Variants in XPO6 observed in about 807,000 individuals in gnomAD.
XPO6 encodes exportin-6.
A neutral mutation model predicts 130.0 loss-of-function variants in XPO6; 3 were observed. That is an observed-to-expected ratio of 0.02 (90% CI 0.01 to 0.06). The LOEUF is 0.06. XPO6 is among the 10% of genes least tolerant of loss of function. The pLI is 1.00. For missense variants in XPO6, 970 were observed against 1,393.0 expected (o/e 0.70, Z 4.83); for synonymous variants, 524 against 548.9 (o/e 0.95, Z 0.63).
chr16:28,189,663 C>T (rs1011995149), intron 1 of XPO6, among the ~76,000 whole-genome samples: 27 of 152,168 alleles, frequency 1.8e-4, no homozygotes, highest in Non-Finnish European at 3.4e-4. Context: ...TGGGCAGGCG[C>T]GCCCACCCCT....
At chr16:28,131,969 C>T (rs2042679488) in intron 12 of XPO6, among the ~76,000 whole-genome samples, 1 of 152,198 alleles carries the variant, frequency 6.6e-6, no homozygotes, top group Non-Finnish European at 1.5e-5. Flanking sequence ...CTATGGCCTT[C>T]CAATTCTAAA....
chr16:28,134,018 T>C, intron 10 of XPO6, 85 bp from the exon 11 acceptor site: 1 of 1,381,228 alleles, frequency 7.2e-7, no homozygotes, highest in Non-Finnish European at 1.0e-6. Flanking sequence ...AGACATAAAA[T>C]TTTGAAGAAA....
intron 18 of XPO6, 87 bp downstream of exon 18, chr16:28,107,435 C>A: frequency 6.7e-7 from 1 of 1,492,008 alleles, no homozygotes; most frequent in Non-Finnish European, 9.2e-7. Context: ...CTGTACTGCA[C>A]CGACTCAGTG....
chr16:28,144,582 T>C (rs2042951106), intron 9 of XPO6, among the ~76,000 whole-genome samples: 1 of 152,176 alleles, frequency 6.6e-6, no homozygotes, highest in Non-Finnish European at 1.5e-5. Flanking sequence ...AGGTCCTGTT[T>C]AGAATTTTTT....
chr16:28,150,093 C>A (rs1011881996), intron 8 of XPO6, among the ~76,000 whole-genome samples: 1 of 152,310 alleles, frequency 6.6e-6, no homozygotes, highest in East Asian at 1.9e-4. Context: ...CCCTGGTTTA[C>A]CCACAGTAAG....
At chr16:28,143,125 G>A (rs1456163272) in intron 9 of XPO6, among the ~76,000 whole-genome samples, 1 of 152,226 alleles carries the variant, frequency 6.6e-6, no homozygotes, top group South Asian at 2.1e-4. Flanking sequence ...CATGATCAAT[G>A]AGAAAAATTC....
At chr16:28,178,353 G>C (rs1353839525) in intron 2 of XPO6, among the ~76,000 whole-genome samples, 1 of 152,064 alleles carries the variant, frequency 6.6e-6, no homozygotes, top group African/African-American at 2.4e-5. Context: ...AGGACTGCTT[G>C]AGGCCAGGAG....
chr16:28,177,096 G>T (rs1237383570), intron 3 of XPO6, 124 bp downstream of exon 3: 4 of 500,966 alleles, frequency 8.0e-6, no homozygotes, highest in Non-Finnish European at 1.4e-5. Flanking sequence ...GACAGTATGT[G>T]GGACGACATC....
chr16:28,164,130 GA>G (rs535583162), intron 6 of XPO6, among the ~76,000 whole-genome samples: 12 of 152,124 alleles, frequency 7.9e-5, no homozygotes, highest in Non-Finnish European at 1.2e-4. Context: ...AGTATATGGG[GA>G]AAAAAACCCC....
At chr16:28,139,186 A>G (rs1177306795) in intron 9 of XPO6, among the ~76,000 whole-genome samples, 1 of 152,236 alleles carries the variant, frequency 6.6e-6, no homozygotes, top group South Asian at 2.1e-4. Context: ...TGCCCTTATG[A>G]GAAGATGAAG....
rs778942589 is a variant in XPO6 at position 28,125,738 on chromosome 16, C to G, written c.1717G>C (p.Gly573Arg). 1 of 1,614,202 alleles carries G rather than the reference C, an allele frequency of 6.2e-7. No individual in the cohort carries two copies. Among genetic ancestry groups the G allele is most frequent in the Non-Finnish European group, 8.5e-7 (1 of 1,180,050 alleles). Reference protein sequence around the residue: ...AVGRLAEYFIGDVFAARFNDA... With the variant: ...AVGRLAEYFIRDVFAARFNDA... ...TTGAACCGTGCAGCAAACACATCCCCGATAAAGTACTCGGCCAGGCGGCCC... is the reference window on the plus strand; with the variant it reads ...TTGAACCGTGCAGCAAACACATCCCGGATAAAGTACTCGGCCAGGCGGCCC... Residue 573 changes from glycine to arginine, a missense_variant, in exon 13 of 24, where the codon GGG becomes CGG. Gly to Arg is a moderately radical substitution (Grantham distance 125). Coordinates refer to ENST00000304658, the MANE Select transcript of XPO6 (RefSeq NM_015171.4).
At chr16:28,170,056 G>T in intron 4 of XPO6, 147 bp from the exon 5 acceptor site, 1 of 1,085,820 alleles carries the variant, frequency 9.2e-7, no homozygotes, top group South Asian at 1.6e-5. Flanking sequence ...TTAGAGGCCA[G>T]CTCCAATGGC....
intron 12 of XPO6, among the ~76,000 whole-genome samples, chr16:28,127,252 C>T (rs2087443449): frequency 6.6e-6 from 1 of 152,162 alleles, no homozygotes; most frequent in Non-Finnish European, 1.5e-5. Flanking sequence ...TCATCCTCTG[C>T]CCACCCAAGC....
rs1767573019 is a variant in XPO6 at position 28,104,650 on chromosome 16, G to A, written c.2842C>T (p.His948Tyr). The A allele has an allele frequency of 1.2e-6, 2 of 1,614,104 alleles. No individual in the cohort carries two copies. The highest frequency in any genetic ancestry group is 1.1e-5 in the South Asian group (1 of 91,092). The change falls in exon 21 of 24, where the codon CAC becomes TAC. Residue 948 changes from histidine to tyrosine, a missense_variant. By Grantham distance (83) the His-to-Tyr change is moderately conservative. Transcript: ENST00000304658. ...GACTTGAAGAAGTACCTCCAGTTGT[G>A]ATGGAGCGTCCGGAAAAGGAGCTCA... ...LFELLFRTLH[H>Y]NWRYFFKSTV...
chr16:28,165,648 A>T (rs1483230224), intron 6 of XPO6, among the ~76,000 whole-genome samples: 1 of 152,224 alleles, frequency 6.6e-6, no homozygotes, highest in Non-Finnish European at 1.5e-5. Context: ...CAGGCTACAT[A>T]AAACAGCTTG....
In XPO6 at chr16:28,116,700, C is replaced by T. The variant is rs767170312; in HGVS notation, c.2004+618G>A. ...CCTCCAATCAGTGGAGCAGTCAGAA[C>T]ACACACATTTATCAATCAAGTTTGC... On this transcript the variant is annotated intron_variant, in intron 15 of 23. Coordinates refer to ENST00000304658, the MANE Select transcript of XPO6 (RefSeq NM_015171.4). 7.9e-5 allele frequency among the ~76,000 whole-genome samples: 12 copies of T among 152,184 alleles called. No individual in the cohort carries two copies. In the South Asian group the frequency reaches 8.3e-4, roughly 11 times the overall value.
At chr16:28,099,314 C>G (rs1253200080) in intron 23 of XPO6, among the ~76,000 whole-genome samples, 1 of 152,042 alleles carries the variant, frequency 6.6e-6, no homozygotes. Flanking sequence ...GTGTAGGTCC[C>G]GGTGAGGACT....
chr16:28,156,245 C>T lies in XPO6; in HGVS notation c.926G>A (p.Gly309Glu), dbSNP rs2043182483. 6.2e-7 allele frequency: 1 copy of T among 1,614,130 alleles called. No individual in the cohort carries two copies. Among genetic ancestry groups the T allele is most frequent in the Non-Finnish European group, 8.5e-7 (1 of 1,180,024 alleles). Residue 309 changes from glycine (G) to glutamate (E), a missense_variant, in exon 7 of 24, where the codon GGG becomes GAG. This residue lies in a region of XPO6 where 936 missense variants were observed against 1,306.8 expected (regional missense o/e 0.72). Coordinates refer to ENST00000304658, the MANE Select transcript of XPO6 (RefSeq NM_015171.4). ...CVSGQERGRLGVLAMSCINEL... is the reference protein window; with the variant it reads ...CVSGQERGRLEVLAMSCINEL... ...ATTGATGCAGGACATGGCCAGGACC[C>T]CCAGCCGGCCGCGCTCCTGACCCGA... is the stretch of plus-strand genomic sequence containing the variant.
intron 8 of XPO6, among the ~76,000 whole-genome samples, chr16:28,148,259 G>A (rs1047936108): frequency 6.6e-6 from 1 of 152,186 alleles, no homozygotes; most frequent in African/African-American, 2.4e-5. Context: ...AAGGCTGGGG[G>A]AAAGGTGAGC....
Sources: gnomAD v4.1 joint callset for allele counts (sites outside exome capture counted in the v4.1 genomes callset) on GRCh38, gnomAD v4.1.1 for gene constraint, gnomAD v4.1.1 regional missense constraint, MANE v1.5 for transcripts, NCBI Gene and HGNC (gene_info 2026-07-23, HGNC 2026-07-21) for gene names.